Variants in LMO3 observed in about 807,000 individuals in gnomAD.
LMO3 encodes the protein LIM domain only 3, also known as LIM domain only protein 3.
LMO3 carries 2 observed loss-of-function variants against 15.8 expected under a neutral mutation model. That is an observed-to-expected ratio of 0.13 (90% CI 0.05 to 0.40). The LOEUF is 0.40. Ranked by LOEUF, LMO3 falls within the 10% of genes least tolerant of loss-of-function variation. The pLI is 0.99. For missense variants in LMO3, 86 were observed against 182.2 expected, an observed-to-expected ratio of 0.47 and a Z score of 3.04; for synonymous variants, 62 against 63.8, an observed-to-expected ratio of 0.97 and a Z score of 0.13.
intron 3 of LMO3, among the ~76,000 whole-genome samples, chr12:16,558,747 A>G (rs909095500): frequency 6.6e-6 from 1 of 152,174 alleles, no homozygotes; most frequent in South Asian, 2.1e-4. Context: ...TTAGCAAGAA[A>G]CACTATTGTG....
chr12:16,549,279 T>C lies in LMO3; in HGVS notation c.*1943A>G, dbSNP rs1315008994. 6.6e-6 allele frequency: 1 copy of C among 152,156 alleles called. No homozygotes were observed. Among genetic ancestry groups the C allele is most frequent in the African/African-American group, 2.4e-5 (1 of 41,440 alleles). 9.4% of individuals were successfully genotyped at this position (152,156 alleles called of 1,614,324 possible). On this transcript the variant is annotated 3_prime_UTR_variant, in exon 4 of 4. Coordinates refer to ENST00000537304, the MANE Select transcript of LMO3 (RefSeq NM_018640.5). ...TCTAAGGCTAAAATAATAGTTATTT[T>C]TGTGGGCCCCAAATAGCTACTTTTG...
In LMO3 at chr12:16,559,243, G is replaced by A. The variant is rs1319317931; in HGVS notation, c.332+1170C>T. 2.0e-5 allele frequency among the ~76,000 whole-genome samples: 3 copies of A among 152,038 alleles called. No individual in the cohort carries two copies. The highest frequency in any genetic ancestry group is 2.4e-5 in the African/African-American group (1 of 41,390). ...TTTTGAAATGTTGTATTTTTAATACGTACATTTTAATGTTCTAAAATCCTC... is the reference window on the plus strand; with the variant it reads ...TTTTGAAATGTTGTATTTTTAATACATACATTTTAATGTTCTAAAATCCTC... On this transcript the variant is annotated intron_variant, in intron 3 of 3. Transcript: ENST00000537304. The surrounding 1 kb of genome is among the most constrained non-coding windows in gnomAD (Gnocchi z 4.1).
At chr12:16,605,271 G>C in intron 1 of LMO3, 1 of 1,209,464 alleles carries the variant, frequency 8.3e-7, no homozygotes, top group Non-Finnish European at 1.0e-6. Context: ...AGCATATCAT[G>C]TTCAATATGA....
intron 2 of LMO3, among the ~76,000 whole-genome samples, chr12:16,570,276 C>G (rs549494837): frequency 1.1e-4 from 16 of 152,180 alleles, no homozygotes; most frequent in African/African-American, 3.6e-4. Flanking sequence ...CTTTTGATAT[C>G]TTTACAGACT....
intron 2 of LMO3, among the ~76,000 whole-genome samples, chr12:16,577,627 G>A (rs1455580358): frequency 3.9e-5 from 6 of 152,114 alleles, no homozygotes; most frequent in Non-Finnish European, 8.8e-5. Context: ...AAGAGGACAA[G>A]TAAGAATAAT....
intron 2 of LMO3, among the ~76,000 whole-genome samples, chr12:16,564,296 G>GGT (rs1379828881): frequency 5.9e-5 from 9 of 152,108 alleles, no homozygotes; most frequent in African/African-American, 2.2e-4. Flanking sequence ...TTTGTGTATG[G>GGT]GTGGCATTGC....
At position 16,596,540 on chromosome 12, in the gene LMO3, C is replaced by T. The variant is rs1014242383; in HGVS notation, c.206+4115G>A. ...AGTTGCAGGTTCAAAGAAAGAACAA[C>T]AAAAAAATTGCCCAGAAGTTGAGTT... is the stretch of plus-strand genomic sequence containing the variant. On this transcript the variant is annotated intron_variant, in intron 2 of 3. Coordinates refer to ENST00000537304, the MANE Select transcript of LMO3 (RefSeq NM_018640.5). The surrounding 1 kb of genome is among the most constrained non-coding windows in gnomAD (Gnocchi z 4.3). Among the ~76,000 whole-genome samples, 81 of 151,574 alleles carry T rather than the reference C, an allele frequency of 5.3e-4. No individual in the cohort carries two copies. The highest frequency in any genetic ancestry group is 1.9e-3 in the African/African-American group (77 of 41,480).
intron 2 of LMO3, among the ~76,000 whole-genome samples, chr12:16,575,901 C>A (rs2137489510): frequency 6.6e-6 from 1 of 152,218 alleles, no homozygotes; most frequent in East Asian, 1.9e-4. Context: ...CATTACCCTC[C>A]CTCTCCCCAT....
chr12:16,594,544 T>C (rs1438004810), intron 2 of LMO3, among the ~76,000 whole-genome samples: 6 of 151,538 alleles, frequency 4.0e-5, no homozygotes, highest in Non-Finnish European at 8.9e-5. Context: ...TTTCAGAAGA[T>C]AGGATGAGGA....
chr12:16,558,382 A>G (rs1433720045), intron 3 of LMO3, among the ~76,000 whole-genome samples: 4 of 152,090 alleles, frequency 2.6e-5, no homozygotes, highest in Non-Finnish European at 5.9e-5. Context: ...TGATTCCATA[A>G]TGGGAACTGC....
rs1214346959 is a variant in LMO3 at position 16,597,213 on chromosome 12, A to G, written c.206+3442T>C. On this transcript the variant is annotated intron_variant, in intron 2 of 3. Coordinates refer to ENST00000537304, the MANE Select transcript of LMO3 (RefSeq NM_018640.5). The surrounding 1 kb of genome is among the most constrained non-coding windows in gnomAD (Gnocchi z 5.0). The stretch of plus-strand genomic sequence containing the variant: ...ATTCCACTGTTAAGATTTGATACTT[A>G]GTGTACAAACTATGGAAGATTTTTC... 8.6e-5 allele frequency among the ~76,000 whole-genome samples: 13 copies of G among 151,762 alleles called. No individual in the cohort carries two copies. The highest frequency in any genetic ancestry group is 8.6e-4 in the Admixed American group (13 of 15,204).
intron 2 of LMO3, among the ~76,000 whole-genome samples, chr12:16,580,312 A>C (rs527324280): frequency 6.6e-6 from 1 of 152,260 alleles, no homozygotes; most frequent in South Asian, 2.1e-4. Flanking sequence ...TTTTACTGGG[A>C]GCACTAGGAA....
At chr12:16,594,168 T>C in intron 2 of LMO3, 4 of 1,532,774 alleles carry the variant, frequency 2.6e-6, no homozygotes, top group Non-Finnish European at 3.5e-6. Flanking sequence ...CTAAAGTCAA[T>C]GATGACAAAA....
upstream of LMO3, chr12:16,607,960 C>A (rs780384459): frequency 2.5e-4 from 38 of 152,082 alleles, no homozygotes; most frequent in Non-Finnish European, 4.4e-4. Flanking sequence ...TATTCACAGA[C>A]GGTAGATTAA....
intron 2 of LMO3, among the ~76,000 whole-genome samples, chr12:16,577,370 G>A (rs1055911900): frequency 2.0e-5 from 3 of 152,168 alleles, no homozygotes; most frequent in Admixed American, 6.5e-5. Context: ...AATAAGCTGA[G>A]TTATTAAAAT....
In LMO3 at chr12:16,560,692, T is replaced by G. The variant is rs375115316; in HGVS notation, c.207-154A>C. On this transcript the variant is annotated intron_variant, in intron 2 of 3. Coordinates refer to ENST00000537304, the MANE Select transcript of LMO3 (RefSeq NM_018640.5). This position sits in a 1 kb window ranked among gnomAD's most constrained non-coding sequence, Gnocchi z 5.0. ...TTTATCCTAGGTGTATGCATAAATA[T>G]TCTTCTGCAATATATTCTCCGTTGA... 5 of 671,548 alleles carry G rather than the reference T, an allele frequency of 7.4e-6. No individual in the cohort carries two copies. 41.6% of individuals were successfully genotyped at this position (671,548 alleles called of 1,614,324 possible). A position where few individuals can be genotyped will look rare whatever the true frequency, so the allele number is the denominator to read the frequency against.
upstream of LMO3, chr12:16,609,131 C>T (rs1253690054): frequency 6.6e-6 from 1 of 152,106 alleles, no homozygotes; most frequent in African/African-American, 2.4e-5. Context: ...GATGAAGAGG[C>T]TTGCCACTTA....
At position 16,555,517 on chromosome 12, in the gene LMO3, T is replaced by C. The variant is rs537884376; in HGVS notation, c.333-4190A>G. On this transcript the variant is annotated intron_variant, in intron 3 of 3. Transcript: ENST00000537304. The surrounding 1 kb of genome is among the most constrained non-coding windows in gnomAD (Gnocchi z 5.5). ...CTTAAGGTGTGTGGTCAATAAAAAT[T>C]GGTTAAGGTAGATTTATTCCAGAAA... is the stretch of plus-strand genomic sequence containing the variant. 2.6e-5 allele frequency among the ~76,000 whole-genome samples: 4 copies of C among 152,362 alleles called. No homozygotes were observed. The highest frequency in any genetic ancestry group is 2.6e-4 in the Admixed American group (4 of 15,300).
Position 16,596,761 on chromosome 12 carries a change from G to A in LMO3, c.206+3894C>T, listed in dbSNP as rs904298955. On this transcript the variant is annotated intron_variant, in intron 2 of 3. Coordinates refer to ENST00000537304, the MANE Select transcript of LMO3 (RefSeq NM_018640.5). This position sits in a 1 kb window ranked among gnomAD's most constrained non-coding sequence, Gnocchi z 4.3. ...CAAACTGAAATAAGGCGGATAGATC[G>A]CAGTGATGAGTACCTTAAACATTAT... 3.3e-5 allele frequency among the ~76,000 whole-genome samples: 5 copies of A among 151,568 alleles called. No homozygotes were observed. Among genetic ancestry groups the A allele is most frequent in the Admixed American group, 2.0e-4 (3 of 15,184 alleles).
Sources: gnomAD v4.1 joint callset for allele counts (sites outside exome capture counted in the v4.1 genomes callset) on GRCh38, gnomAD v4.1.1 for gene constraint, Gnocchi (gnomAD v3.1) non-coding constraint, MANE v1.5 for transcripts, NCBI Gene and HGNC (gene_info 2026-07-23, HGNC 2026-07-21) for gene names.